Variants in DENND1A observed in about 807,000 individuals in gnomAD.
DENND1A encodes the protein DENN domain containing 1A.
Under a neutral mutation model 113.7 loss-of-function variants are expected in DENND1A, and 51 were observed. The ratio of observed to expected loss-of-function variants is 0.45; its 90% CI spans 0.36 to 0.57. The LOEUF (loss-of-function observed/expected upper bound fraction) is 0.57, where lower values mean the gene tolerates loss of function less well. Ranked by LOEUF, DENND1A falls within the 20% of genes least tolerant of loss-of-function variation. DENND1A has a pLI of 0.00. For synonymous variants in DENND1A, 565 were observed against 570.8 expected, an observed-to-expected ratio of 0.99 and a Z score of 0.14; for missense variants, 1,258 against 1,395.9, an observed-to-expected ratio of 0.90 and a Z score of 1.57.
intron 9 of DENND1A, among the ~76,000 whole-genome samples, chr9:123,638,050 T>A (rs746519516): frequency 2.0e-5 from 3 of 151,986 alleles, no homozygotes; most frequent in Non-Finnish European, 4.4e-5. Flanking sequence ...GGAGGAAGCT[T>A]ACACAGGCAA....
chr9:123,815,096 C>T (rs768176856), intron 2 of DENND1A, among the ~76,000 whole-genome samples: 8 of 152,212 alleles, frequency 5.3e-5, no homozygotes, highest in South Asian at 4.1e-4. Context: ...TGTGGTTAGG[C>T]GGGAAATTAA....
intron 5 of DENND1A, among the ~76,000 whole-genome samples, chr9:123,700,375 A>AAT (rs1215313055): frequency 7.2e-5 from 11 of 152,326 alleles, no homozygotes; most frequent in African/African-American, 2.4e-4. Context: ...AGAGAAACAG[A>AAT]ATAGACTATT....
intron 2 of DENND1A, among the ~76,000 whole-genome samples, chr9:123,874,233 T>C (rs867836685): frequency 6.1e-5 from 9 of 148,718 alleles, no homozygotes; most frequent in African/African-American, 1.7e-4. Flanking sequence ...AAAGGAAATA[T>C]TGGAAAATAT....
At chr9:123,769,366 G>T in intron 4 of DENND1A, 148 bp downstream of exon 4, 1 of 644,724 alleles carries the variant, frequency 1.6e-6, no homozygotes. Context: ...AAAACCCCAG[G>T]AAGGGAGAAT....
chr9:123,492,557 C>T (rs2134003414), intron 13 of DENND1A: 1 of 152,290 alleles, frequency 6.6e-6, no homozygotes, highest in Admixed American at 6.5e-5. Flanking sequence ...GAGACACCAT[C>T]ATATAGGGAC....
Position 123,382,342 on chromosome 9 carries a change from G to T in DENND1A, c.2303C>A (p.Thr768Asn). Residue 768 changes from threonine to asparagine, a missense_variant, in exon 24 of 24, where the codon ACC becomes AAC. This residue lies in a region of DENND1A where 1,159 missense variants were observed against 1,231.7 expected (regional missense o/e 0.94). Transcript: ENST00000394215. ...ITIPRPQGRK[T>N]PELGIVPPPP... The stretch of plus-strand genomic sequence containing the variant: ...TGGAGGCACGATGCCCAGCTCTGGG[G>T]TCTTCCTGCCTTGGGGCCGGGGGAT... The T allele has an allele frequency of 6.2e-7, 1 of 1,606,094 alleles. No homozygotes were observed. Among genetic ancestry groups the T allele is most frequent in the South Asian group, 1.1e-5 (1 of 89,974 alleles).
intron 2 of DENND1A, among the ~76,000 whole-genome samples, chr9:123,819,992 A>G (rs987189320): frequency 3.3e-5 from 5 of 152,256 alleles, no homozygotes; most frequent in African/African-American, 9.6e-5. Context: ...AGATACCTAC[A>G]TATATGGTAA....
At chr9:123,423,810 G>A (rs959907945) in intron 19 of DENND1A, among the ~76,000 whole-genome samples, 2 of 152,218 alleles carry the variant, frequency 1.3e-5, no homozygotes, top group South Asian at 2.1e-4. Context: ...CAAGAGGCCC[G>A]TGTGTGGTTC....
At chr9:123,551,540 A>G (rs1215877769) in intron 13 of DENND1A, among the ~76,000 whole-genome samples, 1 of 152,162 alleles carries the variant, frequency 6.6e-6, no homozygotes, top group Non-Finnish European at 1.5e-5. Flanking sequence ...CCTAGGAATC[A>G]CTGCAGCCTT....
chr9:123,495,329 G>T (rs908883003), intron 13 of DENND1A, among the ~76,000 whole-genome samples: 1 of 152,136 alleles, frequency 6.6e-6, no homozygotes, highest in Non-Finnish European at 1.5e-5. Context: ...TCTGAGAGCT[G>T]GGAATAGCTC....
At chr9:123,427,837 A>C (rs180861146) in intron 19 of DENND1A, among the ~76,000 whole-genome samples, 44 of 152,336 alleles carry the variant, frequency 2.9e-4, no homozygotes, top group South Asian at 8.3e-4. Flanking sequence ...ATAATCAGTC[A>C]GTCCAGCGAG....
chr9:123,800,953 A>G (rs771645468), intron 2 of DENND1A, among the ~76,000 whole-genome samples: 5 of 152,184 alleles, frequency 3.3e-5, no homozygotes, highest in African/African-American at 9.7e-5. Context: ...GAGAACCCCA[A>G]TGCTGGAGTT....
At chr9:123,913,695 C>G (rs900883155) in intron 1 of DENND1A, among the ~76,000 whole-genome samples, 1 of 151,962 alleles carries the variant, frequency 6.6e-6, no homozygotes, top group Non-Finnish European at 1.5e-5. Flanking sequence ...CACCTGAGGT[C>G]AGGAGTTCGA....
At chr9:123,652,256 C>T (rs1391203033) in intron 8 of DENND1A, 133 bp from the exon 9 acceptor site, 3 of 743,416 alleles carry the variant, frequency 4.0e-6, no homozygotes, top group Non-Finnish European at 6.4e-6. Context: ...TTTCTTTCTA[C>T]CTGGGAGGCC....
chr9:123,648,212 T>A (rs1170623469), intron 9 of DENND1A, among the ~76,000 whole-genome samples: 2 of 152,142 alleles, frequency 1.3e-5, no homozygotes, highest in Non-Finnish European at 2.9e-5. Flanking sequence ...CCCTAGTAGC[T>A]AGGAGTACAG....
At chr9:123,639,505 C>T (rs1295333908) in intron 9 of DENND1A, among the ~76,000 whole-genome samples, 2 of 146,446 alleles carry the variant, frequency 1.4e-5, no homozygotes, top group African/African-American at 5.1e-5. Context: ...TATAAAACAG[C>T]CACACTCACG....
At chr9:123,602,685 T>G (rs561893426) in intron 11 of DENND1A, among the ~76,000 whole-genome samples, 2 of 152,356 alleles carry the variant, frequency 1.3e-5, no homozygotes, top group African/African-American at 4.8e-5. Flanking sequence ...TCATTTTATT[T>G]TGAGACAGGG....
chr9:123,514,226 G>T (rs755275834), intron 13 of DENND1A, among the ~76,000 whole-genome samples: 8 of 152,050 alleles, frequency 5.3e-5, no homozygotes, highest in Non-Finnish European at 1.2e-4. Context: ...GTGCAATGAG[G>T]AATGCACCAC....
intron 2 of DENND1A, among the ~76,000 whole-genome samples, chr9:123,854,391 T>G (rs1019767291): frequency 6.6e-6 from 1 of 151,866 alleles, no homozygotes; most frequent in Non-Finnish European, 1.5e-5. Flanking sequence ...GAAAGCAAAG[T>G]AAAACAAAAA....
Sources: allele counts gnomAD v4.1 joint callset (sites outside exome capture counted in the v4.1 genomes callset), GRCh38; gene constraint gnomAD v4.1.1; regional missense constraint gnomAD v4.1.1; transcripts MANE v1.5; gene names NCBI Gene and HGNC (gene_info 2026-07-23, HGNC 2026-07-21).